ACSM2A: variants seen among roughly 807,000 people sequenced by gnomAD.
The protein encoded by ACSM2A is acyl-CoA synthetase medium chain family member 2A, also known as acyl-coenzyme A synthetase ACSM2A, mitochondrial.
ACSM2A carries 72 observed loss-of-function variants against 76.6 expected under a neutral mutation model. That is an observed-to-expected ratio of 0.94 (90% CI 0.78 to 1.14). The LOEUF is 1.14. Among genes scored for constraint, ACSM2A ranks in the 50% most tolerant of loss-of-function variants. The probability of loss-of-function intolerance (pLI) is 0.00; values close to 1 mark genes in which losing one functional copy is unlikely to be tolerated. For synonymous variants in ACSM2A, 249 were observed against 255.9 expected, an observed-to-expected ratio of 0.97 and a Z score of 0.26; for missense variants, 684 against 708.5, an observed-to-expected ratio of 0.97 and a Z score of 0.39.
Position 20,469,699 on chromosome 16 carries a change from G to A in ACSM2A, c.576G>A (p.Leu192=). The part of the protein sequence containing the change: ...LVSEKSCDGW[L]NFKKLLNEAS... ...CTGAGAAAAGCTGTGATGGGTGGCT[G>A]AACTTCAAGAAACTACTAAAGTGAG... The change falls in exon 4 of 14, where the codon CTG becomes CTA. Residue 192 remains leucine (L), a synonymous_variant. Transcript: ENST00000573854. 13 of 1,613,760 alleles carry A rather than the reference G, an allele frequency of 8.1e-6. No homozygotes were observed. The highest frequency in any genetic ancestry group is 1.3e-5 in the African/African-American group (1 of 74,988).
At chr16:20,458,973 G>C (rs2012434522) in intron 1 of ACSM2A, among the ~76,000 whole-genome samples, 1 of 127,696 alleles carries the variant, frequency 7.8e-6, no homozygotes, top group Non-Finnish European at 1.6e-5. Context: ...CCATGAAAAA[G>C]AATGACTTAG....
At chr16:20,452,917 C>T (rs74540229) in intron 1 of ACSM2A, among the ~76,000 whole-genome samples, 120 of 151,854 alleles carry the variant, frequency 7.9e-4, no homozygotes, top group African/African-American at 2.8e-3. Flanking sequence ...ATACATCATA[C>T]CTTTGACCAT....
At chr16:20,475,856 C>T in intron 8 of ACSM2A, 83 bp downstream of exon 8, 1 of 1,591,050 alleles carries the variant, frequency 6.3e-7, no homozygotes, top group Non-Finnish European at 8.6e-7. Flanking sequence ...TGTTAGCCAC[C>T]ATGTATCATT....
At chr16:20,476,535 T>C (rs1166623978) in intron 8 of ACSM2A, 1 of 985,238 alleles carries the variant, frequency 1.0e-6, no homozygotes, top group Admixed American at 6.2e-5. Flanking sequence ...ATAAGGACAA[T>C]GGAGTTGTGG....
chr16:20,475,870 C>G, intron 8 of ACSM2A, 97 bp downstream of exon 8: 2 of 1,575,910 alleles, frequency 1.3e-6, no homozygotes, highest in Non-Finnish European at 1.7e-6. Context: ...TATCATTCAT[C>G]TATTCGAGAA....
At chr16:20,466,979 T>A (rs1343655185) in intron 3 of ACSM2A, among the ~76,000 whole-genome samples, 4 of 152,326 alleles carry the variant, frequency 2.6e-5, no homozygotes, top group Admixed American at 6.5e-5. Flanking sequence ...TCATTTTTAT[T>A]TTAAAGTTAG....
At chr16:20,466,253 A>G (rs1223511779) in intron 3 of ACSM2A, among the ~76,000 whole-genome samples, 53 of 152,226 alleles carry the variant, frequency 3.5e-4, no homozygotes, top group Admixed American at 3.4e-3. Flanking sequence ...AAGTTTGCCA[A>G]TGCTTTTCTA....
At chr16:20,465,406 C>G (rs1216922977) in intron 2 of ACSM2A, 111 bp from the exon 3 acceptor site, 1 of 1,396,896 alleles carries the variant, frequency 7.2e-7, no homozygotes, top group African/African-American at 1.4e-5. Flanking sequence ...TATGGAGGTG[C>G]TGAGATAAAA....
intron 1 of ACSM2A, among the ~76,000 whole-genome samples, chr16:20,458,821 CATAA>C (rs1368113788): frequency 2.2e-5 from 3 of 135,882 alleles, no homozygotes; most frequent in Non-Finnish European, 4.7e-5. Flanking sequence ...ATTATATAAA[CATAA>C]ATATATATAA....
At chr16:20,458,903 T>TATA (rs1458961721) in intron 1 of ACSM2A, among the ~76,000 whole-genome samples, 7 of 68,458 alleles carry the variant, frequency 1.0e-4, no homozygotes, top group African/African-American at 5.4e-4. Flanking sequence ...TATATATATA[T>TATA]GCATATATAT....
intron 6 of ACSM2A, among the ~76,000 whole-genome samples, chr16:20,473,254 C>T (rs1336860232): frequency 6.6e-6 from 1 of 152,106 alleles, no homozygotes; most frequent in African/African-American, 2.4e-5. Flanking sequence ...TCAAATAATA[C>T]TGTCATTCTC....
chr16:20,471,658 T>C lies in ACSM2A; in HGVS notation c.863T>C (p.Leu288Ser), dbSNP rs1387701125. Reference protein sequence around the residue: ...ALGACTFVHLLPKFDPLVILK... With the variant: ...ALGACTFVHLSPKFDPLVILK... The stretch of plus-strand genomic sequence containing the variant: ...GGAGCATGCACATTTGTTCATCTCT[T>C]GCCAAAGTTTGACCCACTGGTTATT... Residue 288 changes from leucine to serine, a missense_variant, in exon 6 of 14, where the codon TTG (leucine) becomes TCG (serine). Around this residue, in one of 3 missense-constraint regions of ACSM2A, gnomAD observed 519 missense variants for 549.5 expected, o/e 0.94. Coordinates refer to ENST00000573854, the MANE Select transcript of ACSM2A (RefSeq NM_001308172.2). 1 of 1,613,968 alleles carries C rather than the reference T, an allele frequency of 6.2e-7. No homozygotes were observed. Among genetic ancestry groups the C allele is most frequent in the East Asian group, 2.2e-5 (1 of 44,888 alleles).
Position 20,465,644 on chromosome 16 carries a change from G to A in ACSM2A, c.305G>A (p.Gly102Asp), listed in dbSNP as rs745993663. The A allele has an allele frequency of 1.2e-6, 2 of 1,614,018 alleles. No individual in the cohort carries two copies. The highest frequency in any genetic ancestry group is 1.3e-5 in the African/African-American group (1 of 75,062). Residue 102 changes from glycine to aspartate, a missense_variant, in exon 3 of 14, where the codon GGC (glycine) becomes GAC (aspartate). Physicochemically the swap from Gly to Asp is moderately conservative, Grantham distance 94. This residue lies in a region of ACSM2A where 519 missense variants were observed against 549.5 expected (regional missense o/e 0.94). Coordinates refer to ENST00000573854, the MANE Select transcript of ACSM2A (RefSeq NM_001308172.2). ...GCCAACGTCCTCTCGGGAGCCTGTG[G>A]CCTGCAGCGTGGGGATCGTGTGGCA... ...QAANVLSGAC[G>D]LQRGDRVAVV...
chr16:20,465,633 G>A lies in ACSM2A; in HGVS notation c.294G>A (p.Ser98=), dbSNP rs370445428. The A allele has an allele frequency of 2.2e-5, 36 of 1,613,846 alleles. No homozygotes were observed. Among genetic ancestry groups the A allele is most frequent in the East Asian group, 1.6e-4 (7 of 44,890 alleles). The part of the protein sequence containing the change: ...ENSQQAANVL[S]GACGLQRGDR... ...GCCAGCAGGCAGCCAACGTCCTCTC[G>A]GGAGCCTGTGGCCTGCAGCGTGGGG... Residue 98 remains serine (S), a synonymous_variant, in exon 3 of 14, where the codon TCG becomes TCA. Coordinates refer to ENST00000573854, the MANE Select transcript of ACSM2A (RefSeq NM_001308172.2).
intron 1 of ACSM2A, among the ~76,000 whole-genome samples, chr16:20,456,645 C>T (rs1287722780): frequency 6.7e-6 from 1 of 148,820 alleles, no homozygotes; most frequent in African/African-American, 2.5e-5. Context: ...TAGGATACAG[C>T]AAAGATGGTA....
intron 6 of ACSM2A, chr16:20,473,863 C>A: frequency 3.0e-6 from 1 of 335,336 alleles, no homozygotes; most frequent in South Asian, 2.4e-5. Context: ...TGTCTAAAGC[C>A]TAGTGCCAGT....
At chr16:20,475,620 T>G (rs749935537) in intron 7 of ACSM2A, 30 bp from the exon 8 acceptor site, 1 of 1,613,540 alleles carries the variant, frequency 6.2e-7, no homozygotes, top group Non-Finnish European at 8.5e-7. Flanking sequence ...CCAGGGAGGC[T>G]GAGGGCAAAC....
At position 20,471,590 on chromosome 16, in the gene ACSM2A, G is replaced by C. The variant is rs1481917207; in HGVS notation, c.795G>C (p.Trp265Cys). 6.2e-7 allele frequency: 1 copy of C among 1,614,026 alleles called. No individual in the cohort carries two copies. The highest frequency in any genetic ancestry group is 1.7e-5 in the Admixed American group (1 of 60,020). ...TGTGGACCATATCAGACACAGGTTG[G>C]ATACTGAACATCTTGTGCTCACTTA... ...DIMWTISDTG[W>C]ILNILCSLME... Residue 265 changes from tryptophan to cysteine, a missense_variant, in exon 6 of 14, where the codon TGG (tryptophan) becomes TGC (cysteine). Trp to Cys is a radical substitution (Grantham distance 215). Coordinates refer to ENST00000573854, the MANE Select transcript of ACSM2A (RefSeq NM_001308172.2).
At chr16:20,466,479 A>T (rs2013004151) in intron 3 of ACSM2A, among the ~76,000 whole-genome samples, 1 of 152,180 alleles carries the variant, frequency 6.6e-6, no homozygotes, top group South Asian at 2.1e-4. Context: ...GAGTTGTGGT[A>T]GAGAAGAGTT....
Sources: gnomAD v4.1 joint callset for allele counts (sites outside exome capture counted in the v4.1 genomes callset) on GRCh38, gnomAD v4.1.1 for gene constraint, gnomAD v4.1.1 regional missense constraint, MANE v1.5 for transcripts, NCBI Gene and HGNC (gene_info 2026-07-23, HGNC 2026-07-21) for gene names.